The following ZNF385D variants were observed in gnomAD, a reference collection of about 807,000 sequenced individuals.
ZNF385D encodes zinc finger protein 385D, also known as zinc finger protein 659.
A neutral mutation model predicts 35.8 loss-of-function variants in ZNF385D; 15 were observed. That is an observed-to-expected ratio of 0.42 (90% confidence interval 0.28 to 0.64). The LOEUF is 0.64. ZNF385D is among the 30% of genes least tolerant of loss of function. ZNF385D has a pLI of 0.23. For synonymous variants in ZNF385D, 212 were observed against 186.8 expected, an observed-to-expected ratio of 1.13 and a Z score of -1.10; for missense variants, 474 against 494.6, an observed-to-expected ratio of 0.96 and a Z score of 0.39.
At chr3:21,962,359 C>A (rs754901393) in intron 3 of ZNF385D, among the ~76,000 whole-genome samples, 1 of 152,096 alleles carries the variant, frequency 6.6e-6, no homozygotes, top group Non-Finnish European at 1.5e-5. Context: ...CAGAACCACT[C>A]CCTGCAAAGA....
chr3:21,697,214 G>C (rs560202304), intron 1 of ZNF385D, among the ~76,000 whole-genome samples: 4 of 152,070 alleles, frequency 2.6e-5, no homozygotes, highest in Non-Finnish European at 5.9e-5. Flanking sequence ...ATCGAAAAAA[G>C]ATTTGAGTGC....
chr3:22,185,886 C>T (rs1026370091), intron 2 of ZNF385D, among the ~76,000 whole-genome samples: 2 of 152,160 alleles, frequency 1.3e-5, no homozygotes, highest in Non-Finnish European at 2.9e-5. Flanking sequence ...GTGTATTGTA[C>T]ATTTAACCAC....
chr3:21,729,098 C>T (rs1169022373), intron 1 of ZNF385D, among the ~76,000 whole-genome samples: 8 of 152,044 alleles, frequency 5.3e-5, no homozygotes, highest in Admixed American at 3.3e-4. Context: ...AAATAAAAAT[C>T]TTATTTCATT....
At chr3:21,614,982 T>C (rs1208606795) in intron 2 of ZNF385D, among the ~76,000 whole-genome samples, 3 of 152,208 alleles carry the variant, frequency 2.0e-5, no homozygotes, top group Non-Finnish European at 4.4e-5. Context: ...CATAGTACTC[T>C]GAATAGCCAT....
chr3:21,638,090 A>G (rs1172528137), intron 2 of ZNF385D, among the ~76,000 whole-genome samples: 1 of 152,162 alleles, frequency 6.6e-6, no homozygotes, highest in Non-Finnish European at 1.5e-5. Context: ...ACATATTAGC[A>G]GAGAAACTTT....
At chr3:22,110,892 T>C (rs1315149806) in intron 3 of ZNF385D, among the ~76,000 whole-genome samples, 1 of 151,910 alleles carries the variant, frequency 6.6e-6, no homozygotes, top group Non-Finnish European at 1.5e-5. Context: ...AAGAGAGGTA[T>C]AATTTAGCTG....
chr3:22,143,253 T>G (rs971670938), intron 3 of ZNF385D, among the ~76,000 whole-genome samples: 2 of 152,036 alleles, frequency 1.3e-5, no homozygotes, highest in African/African-American at 2.4e-5. Flanking sequence ...TGGCTAATTT[T>G]TTTGTTTGTT....
At chr3:21,927,673 G>T (rs572539777) in intron 3 of ZNF385D, among the ~76,000 whole-genome samples, 1 of 152,132 alleles carries the variant, frequency 6.6e-6, no homozygotes, top group Admixed American at 6.5e-5. Context: ...AAACATAATA[G>T]AGCTAGAGTG....
At chr3:21,837,984 A>G (rs2673527) in intron 3 of ZNF385D, among the ~76,000 whole-genome samples, 90,662 of 151,834 alleles carry the variant, frequency 0.6, 27,348 homozygotes, top group African/African-American at 0.66. Flanking sequence ...GCAGTCTACC[A>G]TTTCATACTT....
chr3:22,038,563 A>C (rs1698474660), intron 3 of ZNF385D, among the ~76,000 whole-genome samples: 1 of 152,180 alleles, frequency 6.6e-6, no homozygotes, highest in Non-Finnish European at 1.5e-5. Context: ...GCTGAAATAA[A>C]ATTTATTCTA....
In ZNF385D at chr3:21,941,963, T is replaced by C. The variant is rs959856620; in HGVS notation, c.325+226854A>G. Among the ~76,000 whole-genome samples, 7 of 152,320 alleles carry C rather than the reference T, an allele frequency of 4.6e-5. No individual in the cohort carries two copies. The South Asian group carries it at 1.2e-3, about 27-fold the overall frequency. On this transcript the variant is annotated intron_variant, in intron 3 of 5. Coordinates refer to the ZNF385D transcript ENST00000494108. ...GTCCCATAGCTAGAAGCCATTAGGT[T>C]ATATACAATTATTCTTCTTGAATTT... is the stretch of plus-strand genomic sequence containing the variant.
At chr3:21,769,720 G>A (rs919601028) in intron 3 of ZNF385D, among the ~76,000 whole-genome samples, 7 of 98,092 alleles carry the variant, frequency 7.1e-5, no homozygotes, top group Admixed American at 3.4e-4. Context: ...TTTCTTCACA[G>A]AATTGGAAAA....
At chr3:21,998,934 TTG>T (rs1290343575) in intron 3 of ZNF385D, among the ~76,000 whole-genome samples, 8 of 152,182 alleles carry the variant, frequency 5.3e-5, no homozygotes, top group Non-Finnish European at 1.0e-4. Flanking sequence ...AAATTTTCTT[TTG>T]TGGTGCACAC....
chr3:21,625,542 T>C (rs1325393092), intron 2 of ZNF385D, among the ~76,000 whole-genome samples: 2 of 152,072 alleles, frequency 1.3e-5, no homozygotes, highest in Non-Finnish European at 2.9e-5. Flanking sequence ...AATGAATGAC[T>C]CAAGAGAATA....
intron 3 of ZNF385D, among the ~76,000 whole-genome samples, chr3:22,128,387 T>C (rs1173083618): frequency 2.0e-5 from 3 of 152,166 alleles, no homozygotes; most frequent in Non-Finnish European, 4.4e-5. Context: ...TTAAATCTTC[T>C]TGGTGTTTTA....
chr3:21,712,107 T>A (rs2068132290), intron 1 of ZNF385D, among the ~76,000 whole-genome samples: 1 of 145,216 alleles, frequency 6.9e-6, no homozygotes, highest in Non-Finnish European at 1.5e-5. Flanking sequence ...GCCCTTTCCC[T>A]CGATGGCAAT....
chr3:22,127,852 T>A (rs1703528497), intron 3 of ZNF385D, among the ~76,000 whole-genome samples: 1 of 152,178 alleles, frequency 6.6e-6, no homozygotes, highest in African/African-American at 2.4e-5. Flanking sequence ...CTATACTATC[T>A]ATGTCTTTAA....
At chr3:22,276,502 C>T (rs772499195) in intron 2 of ZNF385D, among the ~76,000 whole-genome samples, 7 of 152,158 alleles carry the variant, frequency 4.6e-5, no homozygotes, top group Admixed American at 3.3e-4. Context: ...GAAGCTCAAG[C>T]AATGCACCTA....
intron 2 of ZNF385D, among the ~76,000 whole-genome samples, chr3:22,275,488 CT>C: frequency 1.5e-5 from 1 of 67,612 alleles, no homozygotes; most frequent in Non-Finnish European, 3.7e-5. Flanking sequence ...TTTTAAGACA[CT>C]TTACTTGTGC....
Sources: allele counts gnomAD v4.1 joint callset (sites outside exome capture counted in the v4.1 genomes callset), GRCh38; gene constraint gnomAD v4.1.1; transcripts MANE v1.5; gene names NCBI Gene and HGNC (gene_info 2026-07-23, HGNC 2026-07-21).